CCDC88C: variants seen among roughly 807,000 people sequenced by gnomAD.
CCDC88C encodes the protein protein Daple.
A neutral mutation model predicts 198.8 loss-of-function variants in CCDC88C; 131 were observed. The observed-to-expected ratio is 0.66, with a 90% CI of 0.57 to 0.76. CCDC88C has a LOEUF of 0.76. CCDC88C is among the 30% of genes least tolerant of loss of function. CCDC88C has a pLI of 0.00. For synonymous variants in CCDC88C, 1,166 were observed against 1,114.7 expected, an observed-to-expected ratio of 1.05 and a Z score of -0.92; for missense variants, 2,553 against 2,631.6, an observed-to-expected ratio of 0.97 and a Z score of 0.65.
Position 91,307,136 on chromosome 14 carries a change from C to T in CCDC88C, c.3097G>A (p.Ala1033Thr), listed in dbSNP as rs769572282. 32 of 1,613,848 alleles carry T rather than the reference C, an allele frequency of 2.0e-5. No homozygotes were observed. The highest frequency in any genetic ancestry group is 6.7e-5 in the Admixed American group (4 of 60,000). ...SFKHPAGKTA[A>T]SHQGKEAWGP... The stretch of plus-strand genomic sequence containing the variant: ...CAGGCCTCCTTCCCCTGGTGACTGG[C>T]GGCTGTCTTCCCCGCAGGGTGCTTG... The change falls in exon 18 of 30, where the codon GCC (alanine) becomes ACC (threonine). Residue 1033 changes from alanine to threonine, a missense_variant. Physicochemically the swap from Ala to Thr is moderately conservative, Grantham distance 58. Around this residue, in one of 2 missense-constraint regions of CCDC88C, gnomAD observed 1,260 missense variants for 1,412.0 expected, o/e 0.89. Transcript: ENST00000389857.
chr14:91,285,082 T>G (rs1325240726), intron 25 of CCDC88C, among the ~76,000 whole-genome samples: 1 of 152,206 alleles, frequency 6.6e-6, no homozygotes, highest in Non-Finnish European at 1.5e-5. Context: ...TGGGCTGAAC[T>G]CTGTCTGGGC....
In CCDC88C at chr14:91,277,158, C is replaced by T. The variant is rs145910809; in HGVS notation, c.5058+764G>A. 5.0e-3 allele frequency among the ~76,000 whole-genome samples: 763 copies of T among 152,036 alleles called. 3 individuals carry two copies. Among genetic ancestry groups the T allele is most frequent in the Middle Eastern group, 0.01 (3 of 294 alleles). ...CTAATTTTTGTATTTTTTGTAGAGA[C>T]AAGTGTCTCTACAACTCTGCTTATC... On this transcript the variant is annotated intron_variant, in intron 29 of 29. Coordinates refer to ENST00000389857, the MANE Select transcript of CCDC88C (RefSeq NM_001080414.4).
chr14:91,359,815 C>T, intron 3 of CCDC88C, 104 bp from the exon 4 acceptor site: 1 of 1,007,310 alleles, frequency 9.9e-7, no homozygotes, highest in Non-Finnish European at 1.5e-6. Context: ...GGTGCACAGC[C>T]ATCCCGTGGT....
chr14:91,285,974 G>C lies in CCDC88C; in HGVS notation c.4442-2457C>G, dbSNP rs188214606. 1.6e-5 allele frequency: 7 copies of C among 428,610 alleles called. No homozygotes were observed. The Admixed American group carries it at 2.5e-4, about 15-fold the overall frequency. The allele number at this position is 428,610 out of a possible 1,614,324, so 26.6% of individuals were successfully genotyped here. A position where few individuals can be genotyped will look rare whatever the true frequency, so the allele number is the denominator to read the frequency against. ...TCAGAATCCCGTCTTGCCCAGGAAA[G>C]ATGAAAACAGTACACAGTACTCAAG... On this transcript the variant is annotated intron_variant, in intron 25 of 29. Transcript: ENST00000389857.
chr14:91,340,844 ATT>A (rs1200122142), intron 6 of CCDC88C, among the ~76,000 whole-genome samples: 1 of 152,170 alleles, frequency 6.6e-6, no homozygotes, highest in Non-Finnish European at 1.5e-5. Context: ...TCTACAAAAA[ATT>A]TAAAAATTAG....
intron 14 of CCDC88C, among the ~76,000 whole-genome samples, chr14:91,315,331 A>C (rs77573370): frequency 0.021 from 3,165 of 152,116 alleles, 127 homozygotes; most frequent in African/African-American, 0.072. Flanking sequence ...AGTGTTCCTG[A>C]CCTGCGCACT....
At position 91,313,539 on chromosome 14, in the gene CCDC88C, G is replaced by A; in HGVS notation, c.2277C>T (p.Leu759=). The part of the protein sequence containing the change: ...ALGKKSERLE[L]SYQSVSAENL... ...TCTCAGCGCTCACGCTCTGGTAGCT[G>A]AGCTCCAGGCGCTCTGACTTCTTGC... is the stretch of plus-strand genomic sequence containing the variant. Residue 759 remains leucine (L), a synonymous_variant, in exon 15 of 30, where the codon CTC becomes CTT. Transcript: ENST00000389857. This position sits in a 1 kb window ranked among gnomAD's most constrained non-coding sequence, Gnocchi z 5.2. 6.2e-7 allele frequency: 1 copy of A among 1,610,260 alleles called. No homozygotes were observed. The highest frequency in any genetic ancestry group is 8.5e-7 in the Non-Finnish European group (1 of 1,179,876).
In CCDC88C at chr14:91,288,962, G is replaced by T; in HGVS notation, c.4441+143C>A. On this transcript the variant is annotated intron_variant, in intron 25 of 29. Transcript: ENST00000389857. This position sits in a 1 kb window ranked among gnomAD's most constrained non-coding sequence, Gnocchi z 4.2. ...CGGTCGCCACGCTGAATTTCTACTT[G>T]GCTCGTAACACATCTAAGCGAAGGC... is the stretch of plus-strand genomic sequence containing the variant. 1 of 626,716 alleles carries T rather than the reference G, an allele frequency of 1.6e-6. No homozygotes were observed. The highest frequency in any genetic ancestry group is 2.8e-6 in the Non-Finnish European group (1 of 355,192). 38.8% of individuals were successfully genotyped at this position (626,716 alleles called of 1,614,324 possible).
rs762265245 is a variant in CCDC88C, at chr14:91,359,754, A to G, written c.271-43T>C. On this transcript the variant is annotated intron_variant, in intron 3 of 29. Transcript: ENST00000389857. ...GAAAAGATACCATTAAGAACCGGAAACAAAAATAAAGAGGGATTAAGTAAA... is the reference window on the plus strand; with the variant it reads ...GAAAAGATACCATTAAGAACCGGAAGCAAAAATAAAGAGGGATTAAGTAAA... 233 of 1,540,170 alleles carry G rather than the reference A, an allele frequency of 1.5e-4. 1 individual carries two copies. Among genetic ancestry groups the G allele is most frequent in the Non-Finnish European group, 1.9e-4 (213 of 1,125,282 alleles).
chr14:91,295,926 C>T (rs1890982412), intron 22 of CCDC88C, among the ~76,000 whole-genome samples: 1 of 152,104 alleles, frequency 6.6e-6, no homozygotes, highest in South Asian at 2.1e-4. Context: ...AAGGAAATCT[C>T]GACACGTAGA....
At chr14:91,306,245 T>G (rs758293956) in intron 18 of CCDC88C, among the ~76,000 whole-genome samples, 5 of 152,212 alleles carry the variant, frequency 3.3e-5, no homozygotes, top group Admixed American at 1.3e-4. Context: ...AGAGTGCATT[T>G]CTGTGAGCTG....
rs1026609597 is a variant in CCDC88C, at chr14:91,273,300, G to C, written c.5412C>G (p.Ala1804=). 4.5e-6 allele frequency: 7 copies of C among 1,558,618 alleles called. No homozygotes were observed. The African/African-American group carries it at 9.5e-5, about 21-fold the overall frequency. The part of the protein sequence containing the change: ...PASRSASLSR[A]FSLASADLLR... ...GAAGGTCAGCTGAGGCCAGGCTGAAGGCCCGGCTCAAGGAGGCACTGCGGC... is the reference window on the plus strand; with the variant it reads ...GAAGGTCAGCTGAGGCCAGGCTGAACGCCCGGCTCAAGGAGGCACTGCGGC... Residue 1804 remains alanine (A), a synonymous_variant, in exon 30 of 30, where the codon GCC becomes GCG. Coordinates refer to ENST00000389857, the MANE Select transcript of CCDC88C (RefSeq NM_001080414.4). This position sits in a 1 kb window ranked among gnomAD's most constrained non-coding sequence, Gnocchi z 5.6.
chr14:91,399,121 G>C (rs1439520281), intron 3 of CCDC88C, among the ~76,000 whole-genome samples: 4 of 152,148 alleles, frequency 2.6e-5, no homozygotes, highest in Admixed American at 2.6e-4. Context: ...CCTGGGGCCT[G>C]CTCCCACCTC....
At chr14:91,297,249 T>TGTC in intron 22 of CCDC88C, 56 bp downstream of exon 22, 1 of 1,556,700 alleles carries the variant, frequency 6.4e-7, no homozygotes, top group East Asian at 2.3e-5. Context: ...AGCCCTGGGC[T>TGTC]GTCCCCTTGG....
chr14:91,397,125 G>A (rs1488042020), intron 3 of CCDC88C, among the ~76,000 whole-genome samples: 2 of 152,232 alleles, frequency 1.3e-5, no homozygotes, highest in East Asian at 3.8e-4. Flanking sequence ...ATAGGGGAGG[G>A]AGAGGGGCCT....
rs774114799 is a variant in CCDC88C at position 91,313,286 on chromosome 14, G to T, written c.2530C>A (p.Leu844Met). The T allele has an allele frequency of 6.2e-7, 1 of 1,613,972 alleles. No individual in the cohort carries two copies. Residue 844 changes from leucine to methionine, a missense_variant, in exon 15 of 30, where the codon CTG (leucine) becomes ATG (methionine). Leu to Met is a conservative substitution (Grantham distance 15). This residue lies in a region of CCDC88C where 1,260 missense variants were observed against 1,412.0 expected (regional missense o/e 0.89). Coordinates refer to ENST00000389857, the MANE Select transcript of CCDC88C (RefSeq NM_001080414.4). The surrounding 1 kb of genome is among the most constrained non-coding windows in gnomAD (Gnocchi z 5.2). ...KKLLEKEAKR[L>M]WQQVELKDAV... ...TCCTTGAGCTCCACCTGCTGCCACA[G>T]CCGCTTGGCCTCCTTCTCCAGCAGC...
chr14:91,370,411 G>C (rs1441519595), intron 3 of CCDC88C, among the ~76,000 whole-genome samples: 1 of 152,210 alleles, frequency 6.6e-6, no homozygotes, highest in Non-Finnish European at 1.5e-5. Context: ...ACCAGAGGAT[G>C]TTTCAAGTAA....
chr14:91,386,692 A>G (rs1885171136), intron 3 of CCDC88C, among the ~76,000 whole-genome samples: 1 of 152,188 alleles, frequency 6.6e-6, no homozygotes, highest in African/African-American at 2.4e-5. Flanking sequence ...ACCATGGCCG[A>G]GCCCAGTGTT....
intron 3 of CCDC88C, among the ~76,000 whole-genome samples, chr14:91,405,161 G>A (rs1478580022): frequency 1.3e-5 from 2 of 152,062 alleles, no homozygotes; most frequent in East Asian, 3.9e-4. Flanking sequence ...GCCTCCCCAG[G>A]TTCTCAGAGG....
Sources: gnomAD v4.1 joint callset for allele counts (sites outside exome capture counted in the v4.1 genomes callset) on GRCh38, gnomAD v4.1.1 for gene constraint, gnomAD v4.1.1 regional missense constraint, Gnocchi (gnomAD v3.1) non-coding constraint, MANE v1.5 for transcripts, NCBI Gene and HGNC (gene_info 2026-07-23, HGNC 2026-07-21) for gene names.